Variants in ZNF438 observed in about 807,000 individuals in gnomAD.
ZNF438 encodes the protein zinc finger protein 438.
ZNF438 carries 25 observed loss-of-function variants against 38.0 expected under a neutral mutation model. The observed-to-expected ratio is 0.66, with a 90% CI of 0.48 to 0.92. The LOEUF (loss-of-function observed/expected upper bound fraction) is 0.92. Ranked by LOEUF, ZNF438 falls within the 40% of genes least tolerant of loss-of-function variation. The probability of loss-of-function intolerance (pLI) is 0.00; values close to 1 mark genes in which losing one functional copy is unlikely to be tolerated. For missense variants in ZNF438, 1,007 were observed against 999.6 expected (o/e 1.01, Z -0.10); for synonymous variants, 372 against 364.1 (o/e 1.02, Z -0.25).
chr10:30,958,565 G>A (rs10740839), intron 1 of ZNF438, among the ~76,000 whole-genome samples: 102,192 of 145,634 alleles, frequency 0.7, 40,011 homozygotes, highest in African/African-American at 0.86. Context: ...CAATTTATAT[G>A]CCATAAAATT....
intron 1 of ZNF438, among the ~76,000 whole-genome samples, chr10:30,958,237 A>G (rs558108872): frequency 6.8e-6 from 1 of 147,076 alleles, no homozygotes; most frequent in South Asian, 2.2e-4. Flanking sequence ...GGCTCAAGAA[A>G]CAGGTCTTCA....
intron 1 of ZNF438, among the ~76,000 whole-genome samples, chr10:30,948,724 A>C (rs1487360839): frequency 1.3e-5 from 2 of 151,786 alleles, no homozygotes; most frequent in East Asian, 1.9e-4. Context: ...GAAATGAGCA[A>C]AGCCTCCAAG....
chr10:31,025,635 A>G lies in ZNF438; in HGVS notation c.-192+6198T>C, dbSNP rs149357374. Among the ~76,000 whole-genome samples the G allele has an allele frequency of 8.5e-5, 13 of 152,288 alleles. 1 individual carries two copies. The East Asian group carries it at 2.5e-3, about 29-fold the overall frequency. On this transcript the variant is annotated intron_variant, in intron 1 of 5. Coordinates refer to ENST00000413025, the Ensembl canonical transcript of ZNF438. The stretch of plus-strand genomic sequence containing the variant: ...GTTAAATTATTCCTTTCATCGACAT[A>G]CTGGTTTTGCTTACTATTCCCTAAG...
intron 4 of ZNF438, among the ~76,000 whole-genome samples, chr10:30,865,053 C>A (rs1376893096): frequency 2.0e-5 from 3 of 152,230 alleles, no homozygotes; most frequent in Non-Finnish European, 4.4e-5. Flanking sequence ...TCCATTCCAA[C>A]ACGCTGAACT....
intron 1 of ZNF438, among the ~76,000 whole-genome samples, chr10:30,975,290 G>C (rs1479776014): frequency 6.6e-6 from 1 of 152,136 alleles, no homozygotes; most frequent in Non-Finnish European, 1.5e-5. Context: ...TATACAGAGA[G>C]AATGAAGTTG....
intron 1 of ZNF438, among the ~76,000 whole-genome samples, chr10:31,005,541 A>G (rs1316369161): frequency 6.6e-6 from 1 of 152,220 alleles, no homozygotes; most frequent in African/African-American, 2.4e-5. Context: ...GTCAAAGGAT[A>G]CAAAGCTGCA....
At chr10:30,914,579 T>C (rs1184783020) in intron 2 of ZNF438, among the ~76,000 whole-genome samples, 2 of 152,034 alleles carry the variant, frequency 1.3e-5, no homozygotes, top group Admixed American at 1.3e-4. Context: ...TATTATCTCT[T>C]GTAACTGCAT....
At chr10:31,014,844 A>ATGTGTG (rs376981341) in intron 1 of ZNF438, among the ~76,000 whole-genome samples, 1 of 149,118 alleles carries the variant, frequency 6.7e-6, no homozygotes, top group Non-Finnish European at 1.5e-5. Context: ...ATGTGTGTGT[A>ATGTGTG]TGTGTGTGTG....
At chr10:30,915,988 T>C (rs1284642260) in intron 2 of ZNF438, among the ~76,000 whole-genome samples, 1 of 152,084 alleles carries the variant, frequency 6.6e-6, no homozygotes, top group Non-Finnish European at 1.5e-5. Flanking sequence ...TGGTTTCATT[T>C]ACCCATCACA....
rs916105706 is a variant in ZNF438, at chr10:31,007,282, T to G, written c.-192+24551A>C. Among the ~76,000 whole-genome samples, 112 of 147,138 alleles carry G rather than the reference T, an allele frequency of 7.6e-4. 2 individuals are homozygous for G. Among genetic ancestry groups the G allele is most frequent in the South Asian group, 6.7e-3 (31 of 4,610 alleles). On this transcript the variant is annotated intron_variant, in intron 1 of 5. Transcript: ENST00000413025. ...TCACAAAGGTTTTTTTGGTGTTTTT[T>G]TTTTTTTTTTTTTTTTGGAGACAGA...
At chr10:30,951,600 C>T (rs2048204471) in intron 1 of ZNF438, among the ~76,000 whole-genome samples, 1 of 152,210 alleles carries the variant, frequency 6.6e-6, no homozygotes, top group East Asian at 1.9e-4. Flanking sequence ...TCTTATATAC[C>T]AGCAACAGAC....
At chr10:30,949,543 A>C (rs563541672) in intron 1 of ZNF438, among the ~76,000 whole-genome samples, 6 of 152,206 alleles carry the variant, frequency 3.9e-5, no homozygotes, top group Non-Finnish European at 7.3e-5. Context: ...TCAAAATAAA[A>C]GGATGGAGGA....
chr10:30,876,710 T>C (rs1341687778), intron 4 of ZNF438, among the ~76,000 whole-genome samples: 1 of 152,196 alleles, frequency 6.6e-6, no homozygotes, highest in Non-Finnish European at 1.5e-5. Flanking sequence ...TATCTGTTAG[T>C]GCCAGTTAAC....
intron 1 of ZNF438, among the ~76,000 whole-genome samples, chr10:30,968,434 C>CTTTTTT (rs546132410): frequency 2.9e-5 from 3 of 103,616 alleles, no homozygotes; most frequent in African/African-American, 4.0e-5. Context: ...TGAATGTAAA[C>CTTTTTT]TTTTTTTTTT....
intron 2 of ZNF438, among the ~76,000 whole-genome samples, chr10:30,914,595 T>C (rs2134673717): frequency 6.6e-6 from 1 of 152,090 alleles, no homozygotes; most frequent in South Asian, 2.1e-4. Flanking sequence ...TGCATGCAAA[T>C]TTACAATTAT....
intron 4 of ZNF438, among the ~76,000 whole-genome samples, chr10:30,853,185 C>CA (rs1485715375): frequency 6.6e-6 from 1 of 152,180 alleles, no homozygotes; most frequent in African/African-American, 2.4e-5. Flanking sequence ...GGTCATTTAT[C>CA]ACTAGTTCTT....
exon 5 of ZNF438, chr10:30,849,174 C>T: frequency 6.2e-7 from 1 of 1,613,792 alleles, no homozygotes; most frequent in Non-Finnish European, 8.5e-7. Flanking sequence ...CTTTCTTTAC[C>T]ATCTCTACAC....
At chr10:31,016,918 C>T (rs1177638108) in intron 1 of ZNF438, among the ~76,000 whole-genome samples, 1 of 152,178 alleles carries the variant, frequency 6.6e-6, no homozygotes, top group Admixed American at 6.5e-5. Context: ...AACTTGAAGT[C>T]TCATCCAGTT....
At chr10:30,870,757 C>A (rs911268115) in intron 4 of ZNF438, among the ~76,000 whole-genome samples, 26 of 152,296 alleles carry the variant, frequency 1.7e-4, no homozygotes, top group African/African-American at 5.5e-4. Flanking sequence ...CGCCTAGGAA[C>A]AAATGGCTCA....
Sources: allele counts gnomAD v4.1 joint callset (sites outside exome capture counted in the v4.1 genomes callset), GRCh38; gene constraint gnomAD v4.1.1; transcripts MANE v1.5; gene names NCBI Gene and HGNC (gene_info 2026-07-23, HGNC 2026-07-21).